The following PKIG variants were observed in gnomAD, a reference collection of about 807,000 sequenced individuals.
PKIG encodes the protein protein kinase (cAMP-dependent, catalytic) inhibitor gamma.
In PKIG, 1 loss-of-function variant was observed where a neutral mutation model predicts 6.8. That is an observed-to-expected ratio of 0.15 (90% CI 0.05 to 0.69). PKIG has a LOEUF of 0.69. PKIG is among the 30% of genes least tolerant of loss of function. The pLI is 0.82. For synonymous variants in PKIG, 39 were observed against 43.0 expected (o/e 0.91, Z 0.36); for missense variants, 77 against 104.0 (o/e 0.74, Z 1.13).
At chr20:44,556,796 A>G (rs2064717353) in intron 1 of PKIG, among the ~76,000 whole-genome samples, 1 of 152,128 alleles carries the variant, frequency 6.6e-6, no homozygotes, top group South Asian at 2.1e-4. Flanking sequence ...TCAAATTGGT[A>G]TGTAAAAATA....
At chr20:44,609,648 G>A (rs1372485636) in intron 2 of PKIG, among the ~76,000 whole-genome samples, 3 of 152,246 alleles carry the variant, frequency 2.0e-5, no homozygotes, top group East Asian at 1.9e-4. Flanking sequence ...TGGCTCAGCT[G>A]CCAGGATTAG....
At chr20:44,562,405 G>A (rs976915696) in intron 1 of PKIG, among the ~76,000 whole-genome samples, 65 of 152,088 alleles carry the variant, frequency 4.3e-4, no homozygotes, top group African/African-American at 1.5e-3. Flanking sequence ...GAGCTCCGGA[G>A]TTTGAGACCA....
upstream of PKIG, among the ~76,000 whole-genome samples, chr20:44,581,243 G>C (rs769313644): frequency 5.3e-5 from 8 of 152,162 alleles, no homozygotes; most frequent in Non-Finnish European, 1.5e-5. Flanking sequence ...GCACTTATCT[G>C]ATTCTCCTAA....
intron 1 of PKIG, among the ~76,000 whole-genome samples, chr20:44,556,548 A>G (rs2064715045): frequency 6.6e-6 from 1 of 152,014 alleles, no homozygotes; most frequent in Non-Finnish European, 1.5e-5. Flanking sequence ...TTTTTAGTAG[A>G]GACGGGGTTT....
At chr20:44,575,707 G>A (rs1480376647) in intron 1 of PKIG, among the ~76,000 whole-genome samples, 1 of 152,266 alleles carries the variant, frequency 6.6e-6, no homozygotes, top group East Asian at 1.9e-4. Flanking sequence ...CTTACTAGAA[G>A]CCCTCGATCA....
chr20:44,539,676 C>T (rs1325132237), intron 1 of PKIG, among the ~76,000 whole-genome samples: 1 of 152,062 alleles, frequency 6.6e-6, no homozygotes, highest in Non-Finnish European at 1.5e-5. Flanking sequence ...GCCTCGGCCT[C>T]CCAAAGTGCT....
intron 2 of PKIG, among the ~76,000 whole-genome samples, chr20:44,605,741 C>G (rs2065158898): frequency 6.6e-6 from 1 of 151,690 alleles, no homozygotes; most frequent in African/African-American, 2.4e-5. Flanking sequence ...TAGTGAGACC[C>G]CATCTCTTAA....
intron 2 of PKIG, among the ~76,000 whole-genome samples, chr20:44,593,252 C>G (rs1343532027): frequency 1.3e-5 from 2 of 151,982 alleles, no homozygotes; most frequent in African/African-American, 2.4e-5. Context: ...ATCACTTGAG[C>G]CCAGGCATCG....
intron 1 of PKIG, among the ~76,000 whole-genome samples, chr20:44,535,676 T>G (rs2064506277): frequency 6.6e-6 from 1 of 152,144 alleles, no homozygotes; most frequent in Non-Finnish European, 1.5e-5. Context: ...GCTATATATA[T>G]TAGAAAGATG....
chr20:44,576,200 T>TG (rs1600865640), intron 1 of PKIG, among the ~76,000 whole-genome samples: 5 of 144,226 alleles, frequency 3.5e-5, no homozygotes, highest in African/African-American at 1.0e-4. Flanking sequence ...TGTGTGTGTG[T>TG]TTAGAAAATA....
intron 2 of PKIG, among the ~76,000 whole-genome samples, chr20:44,611,429 A>G (rs770808018): frequency 3.3e-5 from 5 of 151,914 alleles, no homozygotes; most frequent in Non-Finnish European, 5.9e-5. Context: ...AATTGTAACT[A>G]TGTACCCGTT....
chr20:44,535,620 G>T (rs1047742545), intron 1 of PKIG, among the ~76,000 whole-genome samples: 12 of 152,120 alleles, frequency 7.9e-5, no homozygotes, highest in African/African-American at 2.7e-4. Flanking sequence ...CAGCCTGGGT[G>T]ACAAGAGCAA....
intron 2 of PKIG, among the ~76,000 whole-genome samples, chr20:44,600,269 T>C (rs2065109732): frequency 1.3e-5 from 2 of 152,130 alleles, no homozygotes; most frequent in South Asian, 4.1e-4. Context: ...GCCAGGTCAA[T>C]GCAGGGCTTC....
chr20:44,569,940 C>T (rs1177718975), intron 1 of PKIG, among the ~76,000 whole-genome samples: 2 of 152,102 alleles, frequency 1.3e-5, no homozygotes, highest in South Asian at 2.1e-4. Context: ...ACCAGCCTGG[C>T]GACACAGTGA....
chr20:44,553,429 A>T (rs2123204615), intron 1 of PKIG, among the ~76,000 whole-genome samples: 1 of 152,256 alleles, frequency 6.6e-6, no homozygotes, highest in South Asian at 2.1e-4. Context: ...TTGAACCTGG[A>T]AAGTTTGCTC....
At chr20:44,539,913 A>G (rs1233408989) in intron 1 of PKIG, among the ~76,000 whole-genome samples, 4 of 152,050 alleles carry the variant, frequency 2.6e-5, no homozygotes, top group Non-Finnish European at 4.4e-5. Flanking sequence ...CATTTGCCCT[A>G]TACAACTTCT....
intron 2 of PKIG, among the ~76,000 whole-genome samples, chr20:44,591,691 A>G (rs986923365): frequency 6.6e-6 from 1 of 152,188 alleles, no homozygotes. Context: ...TATGAGCTTC[A>G]GCTTCCTTAT....
intron 2 of PKIG, among the ~76,000 whole-genome samples, chr20:44,610,529 C>CACACACACACACACACACACACACACACA (rs1206246062): frequency 2.6e-5 from 4 of 151,090 alleles, no homozygotes; most frequent in Admixed American, 6.6e-5. Flanking sequence ...CACACACACA[C>CACACACACACACACACACACACACACACA]CTGCAGCACT....
chr20:44,572,286 G>A (rs1446003920), intron 1 of PKIG, among the ~76,000 whole-genome samples: 3 of 152,182 alleles, frequency 2.0e-5, no homozygotes, highest in Non-Finnish European at 2.9e-5. Context: ...GATTACAGGC[G>A]TGAGCCACCA....
Sources: allele counts gnomAD v4.1 joint callset (sites outside exome capture counted in the v4.1 genomes callset), GRCh38; gene constraint gnomAD v4.1.1; transcripts MANE v1.5; gene names NCBI Gene and HGNC (gene_info 2026-07-23, HGNC 2026-07-21).